SMG6: variants seen among roughly 807,000 people sequenced by gnomAD.
SMG6 encodes the protein SMG6 nonsense mediated mRNA decay factor.
A neutral mutation model predicts 142.2 loss-of-function variants in SMG6; 66 were observed. That is an observed-to-expected ratio of 0.46 (90% CI 0.38 to 0.57). SMG6 has a LOEUF of 0.57. Ranked by LOEUF, SMG6 falls within the 20% of genes least tolerant of loss-of-function variation. The probability of loss-of-function intolerance (pLI) is 0.00; values close to 1 mark genes in which losing one functional copy is unlikely to be tolerated. For missense variants in SMG6, 1,793 were observed against 1,832.0 expected, an observed-to-expected ratio of 0.98 and a Z score of 0.39; for synonymous variants, 779 against 702.4, an observed-to-expected ratio of 1.11 and a Z score of -1.72.
At chr17:2,092,071 C>T (rs567103219) in intron 13 of SMG6, among the ~76,000 whole-genome samples, 16 of 151,734 alleles carry the variant, frequency 1.1e-4, no homozygotes, top group East Asian at 7.7e-4. Context: ...CTGCAACCTC[C>T]GCCTCCCGGG....
chr17:2,148,777 T>A (rs1056500632), intron 13 of SMG6, among the ~76,000 whole-genome samples: 2 of 151,678 alleles, frequency 1.3e-5, no homozygotes, highest in African/African-American at 4.8e-5. Flanking sequence ...GAGAATTGCC[T>A]GAACCCAGAA....
At chr17:2,151,491 G>C (rs184026334) in intron 13 of SMG6, among the ~76,000 whole-genome samples, 36 of 152,304 alleles carry the variant, frequency 2.4e-4, no homozygotes, top group Admixed American at 2.4e-3. Context: ...TCAGAAGTCA[G>C]AGAGCCTTCA....
At chr17:2,138,035 A>G (rs1222372435) in intron 13 of SMG6, among the ~76,000 whole-genome samples, 2 of 152,134 alleles carry the variant, frequency 1.3e-5, no homozygotes, top group Admixed American at 6.5e-5. Flanking sequence ...TGTAGTCTTA[A>G]AGGCAGATGC....
chr17:2,126,715 CAA>C (rs532997926), intron 13 of SMG6, among the ~76,000 whole-genome samples: 182 of 66,072 alleles, frequency 2.8e-3, no homozygotes, highest in Middle Eastern at 9.6e-3. Flanking sequence ...GGCTCAGTTT[CAA>C]AAAAAAAAAA....
chr17:2,171,356 A>AGTGTGTGTGT (rs10601842), intron 13 of SMG6, among the ~76,000 whole-genome samples: 1 of 149,412 alleles, frequency 6.7e-6, no homozygotes, highest in South Asian at 2.1e-4. Flanking sequence ...AAAATGAAAG[A>AGTGTGTGTGT]GTGTGTGTGT....
chr17:2,155,472 C>G (rs1211825064), intron 13 of SMG6, among the ~76,000 whole-genome samples: 3 of 152,092 alleles, frequency 2.0e-5, no homozygotes, highest in African/African-American at 7.2e-5. Flanking sequence ...ATAGCCACCT[C>G]CAAAGATATA....
chr17:2,120,200 G>A (rs1349011815), intron 13 of SMG6, among the ~76,000 whole-genome samples: 1 of 152,072 alleles, frequency 6.6e-6, no homozygotes. Flanking sequence ...AGAAAAGCAG[G>A]ATAAATTGAT....
chr17:2,265,076 T>C (rs559502724), intron 8 of SMG6, among the ~76,000 whole-genome samples: 1 of 152,300 alleles, frequency 6.6e-6, no homozygotes, highest in South Asian at 2.1e-4. Flanking sequence ...CAAAATGTTT[T>C]TGACCTTGTC....
At chr17:2,178,809 C>T (rs1236406941) in intron 12 of SMG6, among the ~76,000 whole-genome samples, 1 of 152,220 alleles carries the variant, frequency 6.6e-6, no homozygotes, top group Non-Finnish European at 1.5e-5. Flanking sequence ...GACATCTCCA[C>T]GGCATGAGTG....
At chr17:2,112,311 T>C (rs1434489873) in intron 13 of SMG6, among the ~76,000 whole-genome samples, 2 of 151,246 alleles carry the variant, frequency 1.3e-5, no homozygotes, top group South Asian at 2.1e-4. Flanking sequence ...GAGACCATCA[T>C]GGCTAACATG....
chr17:2,160,647 T>C (rs979643611), intron 13 of SMG6, among the ~76,000 whole-genome samples: 2 of 152,010 alleles, frequency 1.3e-5, no homozygotes, highest in African/African-American at 2.4e-5. Context: ...CCAGGCAACA[T>C]AGTGGGACCC....
At chr17:2,287,199 G>A (rs758909965) in intron 6 of SMG6, among the ~76,000 whole-genome samples, 20 of 152,134 alleles carry the variant, frequency 1.3e-4, no homozygotes, top group African/African-American at 4.3e-4. Flanking sequence ...GATTACAGGC[G>A]TGAGCCACTG....
rs751523769 is a variant in SMG6 at position 2,303,746 on chromosome 17, G to A, written c.-26C>T. 6.7e-7 allele frequency: 1 copy of A among 1,482,852 alleles called. No individual in the cohort carries two copies. The highest frequency in any genetic ancestry group is 1.3e-5 in the South Asian group (1 of 78,974). 91.9% of individuals were successfully genotyped at this position (1,482,852 alleles called of 1,614,324 possible). ...CTTCGCGGCTGCTGCTACAGCCGTA[G>A]CGGCTCCGCCACCGCCGCGCGCAGC... On this transcript the variant is annotated 5_prime_UTR_variant, in exon 1 of 19. Coordinates refer to ENST00000263073, the MANE Select transcript of SMG6 (RefSeq NM_017575.5).
At chr17:2,275,677 AC>A (rs2074633016) in intron 8 of SMG6, among the ~76,000 whole-genome samples, 1 of 152,190 alleles carries the variant, frequency 6.6e-6, no homozygotes, top group Non-Finnish European at 1.5e-5. Flanking sequence ...GACAAGCAGT[AC>A]CCCGTTTCTA....
rs569074399 is a variant in SMG6 at position 2,288,031 on chromosome 17, A to G, written c.2338-4296T>C. Among the ~76,000 whole-genome samples the G allele has an allele frequency of 2.6e-5, 4 of 152,344 alleles. No homozygotes were observed. In the South Asian group the frequency reaches 8.3e-4, roughly 32 times the overall value. On this transcript the variant is annotated intron_variant, in intron 6 of 18. Transcript: ENST00000263073. ...AGCTACACTTAAAAATGGGTAAGAC[A>G]GGCAGGGCATGGTGGCTCACGCCTG...
At chr17:2,197,429 G>A (rs1026673003) in intron 10 of SMG6, among the ~76,000 whole-genome samples, 16 of 152,136 alleles carry the variant, frequency 1.1e-4, no homozygotes, top group African/African-American at 3.9e-4. Context: ...AGCTGGATGT[G>A]GTAACATTTG....
In SMG6 at chr17:2,085,981, G is replaced by A. The variant is rs2068550561; in HGVS notation, c.3358-80C>T. ...GACGAGATGTTGCTTGCCGGCTGAG[G>A]GGCACAGGGGAACTGTGTCAAAGCT... On this transcript the variant is annotated intron_variant, in intron 13 of 18. Transcript: ENST00000263073. This position sits in a 1 kb window ranked among gnomAD's most constrained non-coding sequence, Gnocchi z 4.1. The A allele has an allele frequency of 5.6e-6, 8 of 1,419,500 alleles. No individual in the cohort carries two copies. The South Asian group carries it at 8.1e-5, about 14-fold the overall frequency. The allele number at this position is 1,419,500 out of a possible 1,614,324, so 87.9% of individuals were successfully genotyped here. A position where few individuals can be genotyped will look rare whatever the true frequency, so the allele number is the denominator to read the frequency against.
chr17:2,220,361 C>A (rs796855206), intron 10 of SMG6, among the ~76,000 whole-genome samples: 1 of 152,070 alleles, frequency 6.6e-6, no homozygotes, highest in East Asian at 1.9e-4. Flanking sequence ...CCAAGCTCAG[C>A]GGCTCATGCC....
At chr17:2,159,043 C>G (rs991396617) in intron 13 of SMG6, among the ~76,000 whole-genome samples, 1 of 152,024 alleles carries the variant, frequency 6.6e-6, no homozygotes, top group Non-Finnish European at 1.5e-5. Context: ...AAATGGCCAA[C>G]AGATTAGAAC....
Sources: gnomAD v4.1 joint callset for allele counts (sites outside exome capture counted in the v4.1 genomes callset) on GRCh38, gnomAD v4.1.1 for gene constraint, Gnocchi (gnomAD v3.1) non-coding constraint, MANE v1.5 for transcripts, NCBI Gene and HGNC (gene_info 2026-07-23, HGNC 2026-07-21) for gene names.